EBF2: variants seen among roughly 807,000 people sequenced by gnomAD.
EBF2 encodes EBF transcription factor 2.
Under a neutral mutation model 72.8 loss-of-function variants are expected in EBF2, and 21 were observed. The ratio of observed to expected loss-of-function variants is 0.29; its 90% CI spans 0.20 to 0.42. The LOEUF (loss-of-function observed/expected upper bound fraction) is 0.42, where lower values mean the gene tolerates loss of function less well. Ranked by LOEUF, EBF2 falls within the 10% of genes least tolerant of loss-of-function variation. The pLI, the probability that EBF2 is intolerant of heterozygous loss-of-function variation, is 1.00. For synonymous variants in EBF2, 299 were observed against 274.2 expected (o/e 1.09, Z -0.89); for missense variants, 637 against 731.2 (o/e 0.87, Z 1.49).
intron 6 of EBF2, among the ~76,000 whole-genome samples, chr8:26,020,854 G>T (rs936538090): frequency 1.3e-5 from 2 of 152,138 alleles, no homozygotes; most frequent in Admixed American, 6.6e-5. Context: ...AAATGCATTA[G>T]CCACTCTACA....
chr8:26,007,063 A>G (rs1269729301), intron 6 of EBF2, among the ~76,000 whole-genome samples: 1 of 152,258 alleles, frequency 6.6e-6, no homozygotes, highest in Non-Finnish European at 1.5e-5. Context: ...GGTAATGCAC[A>G]TAATCCTTAA....
chr8:25,894,545 C>A (rs1359370457), intron 7 of EBF2, among the ~76,000 whole-genome samples: 3 of 152,140 alleles, frequency 2.0e-5, no homozygotes, highest in Non-Finnish European at 4.4e-5. Flanking sequence ...CACCTCACTC[C>A]ATTTCCTGTT....
At chr8:26,034,233 G>T (rs751926146) in intron 5 of EBF2, among the ~76,000 whole-genome samples, 1 of 152,088 alleles carries the variant, frequency 6.6e-6, no homozygotes, top group East Asian at 1.9e-4. Flanking sequence ...CCAGAACTAT[G>T]GTATACATTT....
chr8:25,951,076 T>C (rs1208010794), intron 6 of EBF2, among the ~76,000 whole-genome samples: 3 of 152,208 alleles, frequency 2.0e-5, no homozygotes, highest in Non-Finnish European at 4.4e-5. Flanking sequence ...TCCCTAATCC[T>C]TCTGATTTGA....
chr8:26,032,962 G>C (rs1872497), intron 6 of EBF2, 123 bp downstream of exon 6: 857,598 of 889,290 alleles, frequency 0.96, 413,754 homozygotes, highest in East Asian at 1. Flanking sequence ...TGTTGGATGA[G>C]CTTAGTGACT....
At chr8:25,965,487 T>C (rs932217820) in intron 6 of EBF2, among the ~76,000 whole-genome samples, 1 of 152,164 alleles carries the variant, frequency 6.6e-6, no homozygotes, top group Non-Finnish European at 1.5e-5. Context: ...GTCCTCTATA[T>C]TTTCTCAGTT....
At chr8:25,854,804 T>G (rs1186033105) in intron 14 of EBF2, among the ~76,000 whole-genome samples, 1 of 152,226 alleles carries the variant, frequency 6.6e-6, no homozygotes, top group African/African-American at 2.4e-5. Context: ...CAATAGAGAA[T>G]GTCTTAGTAT....
chr8:25,894,912 A>G (rs1802842235), intron 7 of EBF2, among the ~76,000 whole-genome samples: 1 of 152,198 alleles, frequency 6.6e-6, no homozygotes. Context: ...ATTAGCAAAC[A>G]TACGGATAGT....
intron 10 of EBF2, among the ~76,000 whole-genome samples, chr8:25,869,395 AG>A (rs562067661): frequency 3.2e-4 from 48 of 152,136 alleles, no homozygotes; most frequent in Admixed American, 1.4e-3. Flanking sequence ...CTCTTTCCTA[AG>A]GGGGAATGAG....
At chr8:25,987,899 T>C (rs561657115) in intron 6 of EBF2, among the ~76,000 whole-genome samples, 98 of 152,132 alleles carry the variant, frequency 6.4e-4, no homozygotes, top group African/African-American at 2.3e-3. Context: ...TATACAAAAC[T>C]CATAATCATC....
At chr8:25,982,920 T>C (rs1206642851) in intron 6 of EBF2, among the ~76,000 whole-genome samples, 1 of 151,258 alleles carries the variant, frequency 6.6e-6, no homozygotes, top group African/African-American at 2.4e-5. Flanking sequence ...TTATATATTA[T>C]GTTAAATTTA....
chr8:25,934,157 G>T (rs967149866), intron 6 of EBF2, among the ~76,000 whole-genome samples: 1 of 151,304 alleles, frequency 6.6e-6, no homozygotes, highest in Non-Finnish European at 1.5e-5. Context: ...AGAATGGTCA[G>T]CTAAGAGCAA....
chr8:25,865,072 A>T (rs907382256), intron 10 of EBF2, among the ~76,000 whole-genome samples: 2 of 152,182 alleles, frequency 1.3e-5, no homozygotes, highest in East Asian at 3.9e-4. Flanking sequence ...AAGTGCTGGG[A>T]TTACAGGTGT....
At chr8:25,852,637 A>G (rs993896573) in intron 14 of EBF2, among the ~76,000 whole-genome samples, 3 of 152,202 alleles carry the variant, frequency 2.0e-5, no homozygotes, top group African/African-American at 7.2e-5. Context: ...GTGGGAGAGG[A>G]AACACCTCAA....
chr8:25,852,066 G>A (rs1290129390), intron 14 of EBF2, among the ~76,000 whole-genome samples: 1 of 152,140 alleles, frequency 6.6e-6, no homozygotes, highest in Non-Finnish European at 1.5e-5. Flanking sequence ...AAGTAGTCTT[G>A]ATTTAAGGAG....
At chr8:25,853,874 C>T (rs995558846) in intron 14 of EBF2, among the ~76,000 whole-genome samples, 2 of 152,008 alleles carry the variant, frequency 1.3e-5, no homozygotes, top group African/African-American at 4.8e-5. Context: ...ATACTAAGCC[C>T]CCTTTAATTT....
At chr8:25,930,016 TATA>T (rs1377760081) in intron 6 of EBF2, among the ~76,000 whole-genome samples, 1 of 152,246 alleles carries the variant, frequency 6.6e-6, no homozygotes, top group Non-Finnish European at 1.5e-5. Context: ...GTGAATTTTC[TATA>T]ATTACTTCAA....
intron 6 of EBF2, among the ~76,000 whole-genome samples, chr8:25,955,565 G>A (rs148686169): frequency 2.0e-3 from 302 of 152,232 alleles, no homozygotes; most frequent in Non-Finnish European, 3.3e-3. Flanking sequence ...TCTAAAGATA[G>A]TCTTAAAAGA....
At chr8:25,992,049 T>C (rs1477913403) in intron 6 of EBF2, among the ~76,000 whole-genome samples, 1 of 152,008 alleles carries the variant, frequency 6.6e-6, no homozygotes, top group African/African-American at 2.4e-5. Context: ...TTTTTGTTTT[T>C]AGACAGAGTC....
Sources: gnomAD v4.1 joint callset for allele counts (sites outside exome capture counted in the v4.1 genomes callset) on GRCh38, gnomAD v4.1.1 for gene constraint, MANE v1.5 for transcripts, NCBI Gene and HGNC (gene_info 2026-07-23, HGNC 2026-07-21) for gene names.